SYNE1: variants seen among roughly 807,000 people sequenced by gnomAD.
SYNE1 encodes nesprin-1.
Under a neutral mutation model 1,111.0 loss-of-function variants are expected in SYNE1, and 616 were observed. That is an observed-to-expected ratio of 0.55 (90% CI 0.52 to 0.59). The LOEUF is 0.59. SYNE1 is among the 20% of genes least tolerant of loss of function. The probability of loss-of-function intolerance (pLI) is 0.00; values close to 1 mark genes in which losing one functional copy is unlikely to be tolerated. For synonymous variants in SYNE1, 3,855 were observed against 3,825.8 expected (o/e 1.01, Z -0.28); for missense variants, 10,006 against 10,417.0 (o/e 0.96, Z 1.72).
rs1172382152 is a variant in SYNE1, at chr6:152,516,849, G to C, written c.309+3610C>G. On this transcript the variant is annotated intron_variant, in intron 6 of 145. Coordinates refer to ENST00000367255, the MANE Select transcript of SYNE1 (RefSeq NM_182961.4). ...CATTCACCTACCCTTCCCTCCCAAA[G>C]TGCTGGGATTAGAGGTGTGAGCCAC... Among the ~76,000 whole-genome samples, 3 of 152,098 alleles carry C rather than the reference G, an allele frequency of 2.0e-5. No homozygotes were observed. The South Asian group carries it at 6.2e-4, about 31-fold the overall frequency.
intron 3 of SYNE1, among the ~76,000 whole-genome samples, chr6:152,595,919 G>A (rs2099579735): frequency 6.6e-6 from 1 of 151,730 alleles, no homozygotes; most frequent in Non-Finnish European, 1.5e-5. Flanking sequence ...TAGCTAAATG[G>A]GGACCTTGTC....
At chr6:152,451,881 C>T (rs2098654219) in intron 25 of SYNE1, among the ~76,000 whole-genome samples, 1 of 151,996 alleles carries the variant, frequency 6.6e-6, no homozygotes, top group Admixed American at 6.5e-5. Flanking sequence ...AAATCATACC[C>T]TTTCCCCTGT....
In SYNE1 at chr6:152,453,684, C is replaced by T. The variant is rs755924544; in HGVS notation, c.2929G>A (p.Ala977Thr). The part of the protein sequence containing the change: ...FSQLDQRVLN[A>T]FLKACDELTD... ...AGTTCATCACAAGCTTTCAGGAAAG[C>T]ATTGAGCACCCTCTGATCCAGCTGA... The change falls in exon 25 of 146, where the codon GCT (alanine) becomes ACT (threonine). Residue 977 changes from alanine to threonine, a missense_variant. Coordinates refer to ENST00000367255, the MANE Select transcript of SYNE1 (RefSeq NM_182961.4). The T allele has an allele frequency of 1.9e-6, 3 of 1,614,176 alleles. No individual in the cohort carries two copies. The highest frequency in any genetic ancestry group is 2.5e-6 in the Non-Finnish European group (3 of 1,180,030).
intron 14 of SYNE1, among the ~76,000 whole-genome samples, chr6:152,473,981 C>T (rs184193413): frequency 2.0e-4 from 30 of 152,072 alleles, no homozygotes; most frequent in Non-Finnish European, 3.7e-4. Context: ...GTCAGGAGTT[C>T]GAGATCAGCC....
At chr6:152,556,517 A>G (rs576325583) in intron 3 of SYNE1, among the ~76,000 whole-genome samples, 4 of 152,162 alleles carry the variant, frequency 2.6e-5, no homozygotes, top group African/African-American at 9.6e-5. Context: ...GATGACCCCC[A>G]TGAACTCAGA....
intron 3 of SYNE1, among the ~76,000 whole-genome samples, chr6:152,600,702 A>G (rs1313505756): frequency 6.6e-6 from 1 of 152,172 alleles, no homozygotes; most frequent in African/African-American, 2.4e-5. Context: ...CTTCAGGTCT[A>G]AATTTTCCTT....
chr6:152,462,974 G>A, intron 19 of SYNE1, 84 bp from the exon 20 acceptor site: 2 of 1,495,168 alleles, frequency 1.3e-6, no homozygotes, highest in Non-Finnish European at 1.9e-6. Flanking sequence ...TCACATATTC[G>A]CTGGAATTGT....
chr6:152,393,101 T>C (rs1422221541), intron 51 of SYNE1, among the ~76,000 whole-genome samples: 1 of 152,184 alleles, frequency 6.6e-6, no homozygotes. Context: ...TCTCTTAGCA[T>C]CTGGTCCTGG....
intron 100 of SYNE1, among the ~76,000 whole-genome samples, chr6:152,264,538 T>A (rs147321489): frequency 1.4e-3 from 207 of 152,250 alleles, no homozygotes; most frequent in African/African-American, 4.9e-3. Flanking sequence ...GGCTCACACC[T>A]GTAATCCCAA....
rs2097167595 is a variant in SYNE1, at chr6:152,370,844, A to G, written c.9508-1230T>C. On this transcript the variant is annotated intron_variant, in intron 59 of 145. Transcript: ENST00000367255. The stretch of plus-strand genomic sequence containing the variant: ...CACCTGTATCTGGTCTGGGTCGTCT[A>G]CAATATGGGGAAAATCACATCTGCC... Among the ~76,000 whole-genome samples, 3 of 152,230 alleles carry G rather than the reference A, an allele frequency of 2.0e-5. No individual in the cohort carries two copies. In the South Asian group the frequency reaches 6.2e-4, roughly 31 times the overall value.
intron 3 of SYNE1, among the ~76,000 whole-genome samples, chr6:152,568,518 G>A (rs1595537630): frequency 1.3e-5 from 2 of 152,124 alleles, no homozygotes; most frequent in African/African-American, 2.4e-5. Context: ...GGCTAGAGTG[G>A]TCTTGCACTC....
intron 74 of SYNE1, among the ~76,000 whole-genome samples, chr6:152,341,388 TAG>T (rs2096531306): frequency 6.6e-6 from 1 of 152,240 alleles, no homozygotes. Flanking sequence ...AAGCAGCATA[TAG>T]AGTGTTAGTG....
chr6:152,232,649 G>T lies in SYNE1; in HGVS notation c.20713-384C>A, dbSNP rs750362225. 4.9e-4 allele frequency among the ~76,000 whole-genome samples: 74 copies of T among 152,190 alleles called. No individual in the cohort carries two copies. In the Middle Eastern group the frequency reaches 0.021, roughly 42 times the overall value. ...TAAAATCTCTGCATATTATGACTCA[G>T]GAATGTTAAAAGAAGAAAGAAAAAT... On this transcript the variant is annotated intron_variant, in intron 112 of 145. Coordinates refer to ENST00000367255, the MANE Select transcript of SYNE1 (RefSeq NM_182961.4).
Position 152,331,608 on chromosome 6 carries a change from C to A in SYNE1, c.13077G>T (p.Trp4359Cys), listed in dbSNP as rs755152052. ...VQSRFQELME[W>C]AEEQQPNIAE... is the part of the protein sequence containing the mutation. ...CGATGTTGGGTTGTTGCTCTTCTGC[C>A]CACTCCATTAGCTCCTGAAATCTGG... The change falls in exon 78 of 146, where the codon TGG (tryptophan) becomes TGT (cysteine). Residue 4359 changes from tryptophan to cysteine, a missense_variant. Coordinates refer to ENST00000367255, the MANE Select transcript of SYNE1 (RefSeq NM_182961.4). 3.7e-6 allele frequency: 6 copies of A among 1,614,134 alleles called. No homozygotes were observed. The highest frequency in any genetic ancestry group is 5.1e-6 in the Non-Finnish European group (6 of 1,180,020).
rs748001032 is a variant in SYNE1 at position 152,362,298 on chromosome 6, A to C, written c.10171T>G (p.Trp3391Gly). 6.2e-7 allele frequency: 1 copy of C among 1,614,172 alleles called. No homozygotes were observed. Among genetic ancestry groups the C allele is most frequent in the Admixed American group, 1.7e-5 (1 of 60,026 alleles). ...CGAACGCCATCCTGATAACTTGTCC[A>C]CTTGGAGAGAGCTCCTTCGAGTTGG... is the stretch of plus-strand genomic sequence containing the variant. Reference protein sequence around the residue: ...KSQLEGALSKWTSYQDGVRQF... With the variant: ...KSQLEGALSKGTSYQDGVRQF... Residue 3391 changes from tryptophan (W) to glycine (G), a missense_variant, in exon 64 of 146, where the codon TGG becomes GGG. Coordinates refer to ENST00000367255, the MANE Select transcript of SYNE1 (RefSeq NM_182961.4).
At chr6:152,396,636 C>T in intron 50 of SYNE1, 139 bp downstream of exon 50, 1 of 881,518 alleles carries the variant, frequency 1.1e-6, no homozygotes. Flanking sequence ...CTAGTATCAC[C>T]TGTATTTATG....
At chr6:152,525,067 G>A (rs1405701) in intron 5 of SYNE1, among the ~76,000 whole-genome samples, 7,182 of 152,260 alleles carry the variant, frequency 0.047, 233 homozygotes, top group Non-Finnish European at 0.066. Context: ...TACCACTGAT[G>A]TAGCTGAGAT....
At chr6:152,579,516 T>C (rs999344237) in intron 3 of SYNE1, among the ~76,000 whole-genome samples, 1 of 152,230 alleles carries the variant, frequency 6.6e-6, no homozygotes, top group African/African-American at 2.4e-5. Flanking sequence ...CACTTTTTTT[T>C]CTTTCCAACT....
intron 97 of SYNE1, among the ~76,000 whole-genome samples, chr6:152,279,851 G>A (rs1041580228): frequency 8.6e-5 from 13 of 151,968 alleles, no homozygotes; most frequent in Admixed American, 6.6e-4. Context: ...ACATAATTCT[G>A]TGCAGGGTTG....
Sources: gnomAD v4.1 joint callset for allele counts (sites outside exome capture counted in the v4.1 genomes callset) on GRCh38, gnomAD v4.1.1 for gene constraint, MANE v1.5 for transcripts, NCBI Gene and HGNC (gene_info 2026-07-23, HGNC 2026-07-21) for gene names.